Variants in GLI3 observed in about 807,000 individuals in gnomAD.
GLI3 encodes GLI family zinc finger 3.
Under a neutral mutation model 100.8 loss-of-function variants are expected in GLI3, and 20 were observed. The observed-to-expected ratio is 0.20, with a 90% CI of 0.14 to 0.29. The LOEUF (loss-of-function observed/expected upper bound fraction) is 0.29. GLI3 is among the 10% of genes least tolerant of loss of function. The pLI is 1.00. For synonymous variants in GLI3, 938 were observed against 860.5 expected, an observed-to-expected ratio of 1.09 and a Z score of -1.58; for missense variants, 2,040 against 2,128.5, an observed-to-expected ratio of 0.96 and a Z score of 0.82.
intron 2 of GLI3, among the ~76,000 whole-genome samples, chr7:42,166,881 A>G (rs1360737356): frequency 1.3e-5 from 2 of 150,774 alleles, no homozygotes; most frequent in African/African-American, 2.4e-5. Context: ...GCTGGAGTGC[A>G]ATGAGGTGAT....
upstream of GLI3, among the ~76,000 whole-genome samples, chr7:42,240,009 C>T (rs373706736): frequency 6.6e-6 from 1 of 151,958 alleles, no homozygotes; most frequent in Non-Finnish European, 1.5e-5. Context: ...AGTGAGGTCT[C>T]GGAGCCCAAT....
At chr7:42,189,971 AACACACACAC>A (rs57107204) in intron 2 of GLI3, among the ~76,000 whole-genome samples, 21,468 of 143,300 alleles carry the variant, frequency 0.15, 1,788 homozygotes, top group South Asian at 0.22. Context: ...GCATGGGCTC[AACACACACAC>A]ACACACACAC....
intron 4 of GLI3, among the ~76,000 whole-genome samples, chr7:42,068,402 A>C (rs923386710): frequency 2.6e-5 from 4 of 152,212 alleles, no homozygotes; most frequent in Non-Finnish European, 4.4e-5. Flanking sequence ...GTTTCAGTAT[A>C]GCTCTCTGCC....
At chr7:42,045,688 C>T (rs571022658) in intron 5 of GLI3, among the ~76,000 whole-genome samples, 158 bp from the exon 6 acceptor site, 19 of 152,244 alleles carry the variant, frequency 1.2e-4, no homozygotes, top group Admixed American at 1.3e-4. Context: ...CTCTTACTTC[C>T]ATGAAACATC....
intron 4 of GLI3, among the ~76,000 whole-genome samples, 174 bp from the exon 5 acceptor site, chr7:42,048,870 A>G (rs1307515825): frequency 6.6e-6 from 1 of 152,070 alleles, no homozygotes; most frequent in Non-Finnish European, 1.5e-5. Flanking sequence ...AGCATGATAT[A>G]ATGCAGGCAG....
At chr7:42,154,680 A>G (rs1465698196) in intron 2 of GLI3, among the ~76,000 whole-genome samples, 1 of 152,236 alleles carries the variant, frequency 6.6e-6, no homozygotes, top group East Asian at 1.9e-4. Context: ...AGTATATTCA[A>G]AAGCATTGCA....
intron 3 of GLI3, among the ~76,000 whole-genome samples, chr7:42,085,273 A>T (rs1785080189): frequency 6.6e-6 from 1 of 152,170 alleles, no homozygotes; most frequent in South Asian, 2.1e-4. Context: ...CCAACAACTG[A>T]TCCACAAAGG....
intron 3 of GLI3, among the ~76,000 whole-genome samples, chr7:42,144,032 C>T (rs1786638162): frequency 6.6e-6 from 1 of 152,156 alleles, no homozygotes. Context: ...GACAGTAAGA[C>T]AGAAGACAAT....
intron 2 of GLI3, among the ~76,000 whole-genome samples, chr7:42,219,066 A>G (rs2128701072): frequency 6.6e-6 from 1 of 152,364 alleles, no homozygotes; most frequent in Admixed American, 6.5e-5. Context: ...TTATGAAGTA[A>G]TGCATCTACA....
At chr7:42,094,827 A>C (rs1401301250) in intron 3 of GLI3, among the ~76,000 whole-genome samples, 1 of 152,190 alleles carries the variant, frequency 6.6e-6, no homozygotes, top group Non-Finnish European at 1.5e-5. Flanking sequence ...CCAAAAGCCT[A>C]ATAAGCCAGT....
chr7:42,061,807 A>C (rs1272057574), intron 4 of GLI3, among the ~76,000 whole-genome samples: 1 of 152,198 alleles, frequency 6.6e-6, no homozygotes, highest in East Asian at 1.9e-4. Context: ...TATATTATTC[A>C]ACAGAAAAGC....
intron 2 of GLI3, among the ~76,000 whole-genome samples, chr7:42,190,158 A>G (rs1389266526): frequency 6.6e-6 from 1 of 151,400 alleles, no homozygotes; most frequent in Non-Finnish European, 1.5e-5. Flanking sequence ...AAAAAACAGT[A>G]TATGGAATCA....
In GLI3 at chr7:42,162,031, A is replaced by G. The variant is rs546079650; in HGVS notation, c.125-13563T>C. Reference sequence around the variant, plus strand: ...GAACCCTGACCTTCTAAGGGGAGTAAAAACAGAATGGCTGCTGCCCTCAAG... The same window carrying G: ...GAACCCTGACCTTCTAAGGGGAGTAGAAACAGAATGGCTGCTGCCCTCAAG... On this transcript the variant is annotated intron_variant, in intron 2 of 14. Coordinates refer to ENST00000395925, the MANE Select transcript of GLI3 (RefSeq NM_000168.6). Among the ~76,000 whole-genome samples the G allele has an allele frequency of 5.3e-5, 8 of 152,320 alleles. No homozygotes were observed. In the South Asian group the frequency reaches 1.7e-3, roughly 32 times the overall value.
intron 7 of GLI3, among the ~76,000 whole-genome samples, chr7:42,036,912 C>A (rs763311912): frequency 1.3e-5 from 2 of 152,064 alleles, no homozygotes; most frequent in African/African-American, 2.4e-5. Context: ...GATGCCAAGG[C>A]GGGTGGGTTG....
At chr7:42,131,448 A>G (rs1240817982) in intron 3 of GLI3, among the ~76,000 whole-genome samples, 1 of 152,252 alleles carries the variant, frequency 6.6e-6, no homozygotes, top group Non-Finnish European at 1.5e-5. Flanking sequence ...TGCTAGACAC[A>G]TCGCCATTGG....
intron 4 of GLI3, among the ~76,000 whole-genome samples, chr7:42,060,737 G>A (rs1208332172): frequency 1.3e-5 from 2 of 152,174 alleles, no homozygotes; most frequent in African/African-American, 2.4e-5. Flanking sequence ...ACCCAATAGT[G>A]TAGAAAGAAT....
In GLI3 at chr7:41,967,717, T is replaced by C. The variant is rs1787226899; in HGVS notation, c.2310A>G (p.Ala770=). The change falls in exon 14 of 15, where the codon GCA becomes GCG. Residue 770 remains alanine (A), a synonymous_variant. Coordinates refer to ENST00000395925, the MANE Select transcript of GLI3 (RefSeq NM_000168.6). ...ALALQARRNP[A]GTKWMEHVKL... Reference sequence around the variant, plus strand: ...TTACGTGCTCCATCCATTTGGTCCCTGCCGGGTTTCTCCTGGCTTGCAAAG... The same window carrying C: ...TTACGTGCTCCATCCATTTGGTCCCCGCCGGGTTTCTCCTGGCTTGCAAAG... The C allele has an allele frequency of 1.2e-6, 2 of 1,614,114 alleles. No individual in the cohort carries two copies. Among genetic ancestry groups the C allele is most frequent in the African/African-American group, 2.7e-5 (2 of 74,940 alleles).
At position 41,972,486 on chromosome 7, in the gene GLI3, G is replaced by T. The variant is rs552333286; in HGVS notation, c.1954C>A (p.Pro652Thr). The change falls in exon 13 of 15, where the codon CCC (proline) becomes ACC (threonine). Residue 652 changes from proline to threonine, a missense_variant. Transcript: ENST00000395925. The surrounding 1 kb of genome is among the most constrained non-coding windows in gnomAD (Gnocchi z 4.4). ...QRGDIHPRPP[P>T]PRDSGSHSQS... Reference sequence around the variant, plus strand: ...GAATGGCTGCCGGAATCTCTCGGGGGTGGCGGCCGAGGATGGATGTCCCCT... The same window carrying T: ...GAATGGCTGCCGGAATCTCTCGGGGTTGGCGGCCGAGGATGGATGTCCCCT... 11 of 1,613,672 alleles carry T rather than the reference G, an allele frequency of 6.8e-6. 1 individual carries two copies. The South Asian group carries it at 1.2e-4, about 18-fold the overall frequency.
intron 3 of GLI3, among the ~76,000 whole-genome samples, chr7:42,144,700 C>T (rs1185813908): frequency 2.0e-5 from 3 of 152,118 alleles, no homozygotes; most frequent in South Asian, 2.1e-4. Context: ...ATGGTTTTCC[C>T]TTTTCCGGTC....
Sources: allele counts gnomAD v4.1 joint callset (sites outside exome capture counted in the v4.1 genomes callset), GRCh38; gene constraint gnomAD v4.1.1; non-coding constraint Gnocchi (gnomAD v3.1); transcripts MANE v1.5; gene names NCBI Gene and HGNC (gene_info 2026-07-23, HGNC 2026-07-21).